The following HSD17B12 variants were observed in gnomAD, a reference collection of about 807,000 sequenced individuals.
HSD17B12 encodes hydroxysteroid 17-beta dehydrogenase 12.
In HSD17B12, 32 loss-of-function variants were observed where a neutral mutation model predicts 39.3. That is an observed-to-expected ratio of 0.81 (90% CI 0.61 to 1.09). The LOEUF is 1.09. HSD17B12 is among the 50% of genes least tolerant of loss of function. The probability of loss-of-function intolerance (pLI) is 0.00; values close to 1 mark genes in which losing one functional copy is unlikely to be tolerated. For synonymous variants in HSD17B12, 150 were observed against 146.7 expected, an observed-to-expected ratio of 1.02 and a Z score of -0.16; for missense variants, 342 against 382.9, an observed-to-expected ratio of 0.89 and a Z score of 0.89.
chr11:43,740,923 C>T (rs142295799), intron 1 of HSD17B12, among the ~76,000 whole-genome samples: 1 of 152,318 alleles, frequency 6.6e-6, no homozygotes, highest in East Asian at 1.9e-4. Flanking sequence ...CCCAGATGTG[C>T]ATTTAACACA....
the HSD17B12 span, among the ~76,000 whole-genome samples, chr11:43,658,118 C>A: frequency 3.9e-5 from 6 of 152,148 alleles, no homozygotes; most frequent in Admixed American, 6.5e-5. Context: ...TTTCTCTAAA[C>A]TTCTCTTCAC....
intron 9 of HSD17B12, chr11:43,854,246 T>C (rs756801347): frequency 1.3e-5 from 2 of 152,640 alleles, no homozygotes; most frequent in African/African-American, 2.4e-5. Context: ...AAATAAGATG[T>C]CTATTTTAGA....
the HSD17B12 span, among the ~76,000 whole-genome samples, chr11:43,619,247 T>TATATATATGATATATATATATATAAA: frequency 2.0e-5 from 1 of 50,294 alleles, no homozygotes; most frequent in African/African-American, 6.5e-5. Context: ...ATATATAAAA[T>TATATATATGATATATATATATATAAA]ATATATATAT....
chr11:43,728,151 C>T (rs1590698850), intron 1 of HSD17B12, among the ~76,000 whole-genome samples: 1 of 152,072 alleles, frequency 6.6e-6, no homozygotes, highest in Non-Finnish European at 1.5e-5. Context: ...CTGCAACCTC[C>T]GCTTCCTGGG....
chr11:43,730,673 A>G lies in HSD17B12; in HGVS notation c.161-20238A>G, dbSNP rs148194116. On this transcript the variant is annotated intron_variant, in intron 1 of 10. Coordinates refer to ENST00000278353, the MANE Select transcript of HSD17B12 (RefSeq NM_016142.3). ...GTTTTGAAGTTCTTGACTAGGCCTG[A>G]GTGAGTCAGGCATGACAAGTAGATT... Among the ~76,000 whole-genome samples, 12 of 152,292 alleles carry G rather than the reference A, an allele frequency of 7.9e-5. No homozygotes were observed. The East Asian group carries it at 2.3e-3, about 29-fold the overall frequency.
intron 1 of HSD17B12, among the ~76,000 whole-genome samples, chr11:43,690,361 CATATATATATATATATATAT>C (rs61646858): frequency 1.0e-4 from 4 of 39,424 alleles, no homozygotes; most frequent in South Asian, 1.2e-3. Flanking sequence ...GGTATTCATA[CATATATATATATATATATAT>C]ATATATATAT....
intron 8 of HSD17B12, 38 bp downstream of exon 8, chr11:43,838,436 T>C: frequency 7.1e-7 from 1 of 1,410,572 alleles, no homozygotes; most frequent in Non-Finnish European, 1.0e-6. Context: ...AATATAGTAA[T>C]AAGGGGTAAT....
At chr11:43,597,415 T>A in the HSD17B12 span, among the ~76,000 whole-genome samples, 1 of 152,168 alleles carries the variant, frequency 6.6e-6, no homozygotes, top group Non-Finnish European at 1.5e-5. Context: ...CAAAGGTAGT[T>A]AGGTGCCAGA....
At chr11:43,601,982 T>G in the HSD17B12 span, among the ~76,000 whole-genome samples, 1 of 152,152 alleles carries the variant, frequency 6.6e-6, no homozygotes, top group Non-Finnish European at 1.5e-5. Flanking sequence ...AGCTGCCCCT[T>G]TTTGAGCTTA....
At chr11:43,792,419 T>C (rs1290043696) in intron 3 of HSD17B12, among the ~76,000 whole-genome samples, 2 of 152,134 alleles carry the variant, frequency 1.3e-5, no homozygotes, top group Non-Finnish European at 2.9e-5. Flanking sequence ...TTGGTACGCA[T>C]TGAATATAGT....
chr11:43,675,886 C>T (rs1056217277), upstream of HSD17B12, among the ~76,000 whole-genome samples: 12 of 152,024 alleles, frequency 7.9e-5, no homozygotes, highest in Admixed American at 3.9e-4. Flanking sequence ...CCCAGGCAGG[C>T]GGATAATTTG....
At chr11:43,690,373 T>C (rs1565049531) in intron 1 of HSD17B12, among the ~76,000 whole-genome samples, 4 of 14,200 alleles carry the variant, frequency 2.8e-4, no homozygotes, top group African/African-American at 1.7e-3. Flanking sequence ...TATATATATA[T>C]ATATATATAT....
At chr11:43,777,122 G>C (rs930990110) in intron 3 of HSD17B12, among the ~76,000 whole-genome samples, 1 of 152,296 alleles carries the variant, frequency 6.6e-6, no homozygotes, top group Middle Eastern at 3.4e-3. Context: ...TTTTAAAGTA[G>C]TTTTTTCCAA....
At chr11:43,835,247 G>T (rs1269265190) in intron 7 of HSD17B12, among the ~76,000 whole-genome samples, 2 of 152,068 alleles carry the variant, frequency 1.3e-5, no homozygotes, top group African/African-American at 4.8e-5. Flanking sequence ...GAGTTGTCAT[G>T]AGTCTGGCTG....
upstream of HSD17B12, among the ~76,000 whole-genome samples, chr11:43,675,834 T>C (rs1255785973): frequency 6.6e-6 from 1 of 152,146 alleles, no homozygotes; most frequent in African/African-American, 2.4e-5. Flanking sequence ...GGTTCAGGCC[T>C]GGCATGTTGG....
intron 1 of HSD17B12, among the ~76,000 whole-genome samples, chr11:43,713,486 C>G (rs943320100): frequency 6.6e-6 from 1 of 152,048 alleles, no homozygotes; most frequent in Non-Finnish European, 1.5e-5. Context: ...GCATAGTATT[C>G]CATGGTGTAT....
intron 1 of HSD17B12, among the ~76,000 whole-genome samples, chr11:43,716,084 T>G (rs1167182430): frequency 1.3e-5 from 2 of 152,238 alleles, no homozygotes; most frequent in Non-Finnish European, 2.9e-5. Flanking sequence ...AAGTTTAGGT[T>G]AAACCTGAAA....
chr11:43,767,030 G>T (rs1950601503), intron 3 of HSD17B12, among the ~76,000 whole-genome samples: 1 of 152,154 alleles, frequency 6.6e-6, no homozygotes, highest in Non-Finnish European at 1.5e-5. Flanking sequence ...CTCCAATTAA[G>T]GCAGCTGCTT....
At chr11:43,582,216 GAGA>G in the HSD17B12 span, among the ~76,000 whole-genome samples, 1 of 152,244 alleles carries the variant, frequency 6.6e-6, no homozygotes, top group African/African-American at 2.4e-5. Flanking sequence ...AGCCCCCGCA[GAGA>G]AGGAGCTTTG....
Sources: allele counts gnomAD v4.1 joint callset (sites outside exome capture counted in the v4.1 genomes callset), GRCh38; gene constraint gnomAD v4.1.1; transcripts MANE v1.5; gene names NCBI Gene and HGNC (gene_info 2026-07-23, HGNC 2026-07-21).